AFF3: variants seen among roughly 807,000 people sequenced by gnomAD.
The protein encoded by AFF3 is ALF transcription elongation factor 3.
Under a neutral mutation model 129.7 loss-of-function variants are expected in AFF3, and 32 were observed. The observed-to-expected ratio is 0.25, with a 90% CI of 0.19 to 0.33. AFF3 has a LOEUF of 0.33. Ranked by LOEUF, AFF3 falls within the 10% of genes least tolerant of loss-of-function variation. The probability of loss-of-function intolerance (pLI) is 1.00; values close to 1 mark genes in which losing one functional copy is unlikely to be tolerated. For missense variants in AFF3, 1,373 were observed against 1,592.0 expected, an observed-to-expected ratio of 0.86 and a Z score of 2.34; for synonymous variants, 644 against 635.4, an observed-to-expected ratio of 1.01 and a Z score of -0.20.
intron 7 of AFF3, among the ~76,000 whole-genome samples, chr2:99,894,823 C>T (rs533426222): frequency 1.3e-5 from 2 of 152,270 alleles, no homozygotes; most frequent in South Asian, 4.1e-4. Context: ...TAGGTGTATG[C>T]TTTTAGAAAC....
chr2:99,721,259 G>T (rs1678862231), intron 11 of AFF3, among the ~76,000 whole-genome samples: 1 of 152,096 alleles, frequency 6.6e-6, no homozygotes, highest in Non-Finnish European at 1.5e-5. Flanking sequence ...GGTTGGGTGT[G>T]GTGGCTCATG....
At chr2:99,866,997 TAATAAAA>T (rs200992230) in intron 7 of AFF3, among the ~76,000 whole-genome samples, 2,333 of 112,178 alleles carry the variant, frequency 0.021, 162 homozygotes, top group Admixed American at 0.13. Context: ...ATAATAATAA[TAATAAAA>T]AATAAATAAA....
intron 7 of AFF3, among the ~76,000 whole-genome samples, chr2:99,844,600 A>G (rs527835847): frequency 1.0e-3 from 153 of 151,360 alleles, no homozygotes; most frequent in African/African-American, 3.6e-3. Context: ...ACCACACCCT[A>G]ATTTTTGTAT....
At chr2:100,100,969 G>A (rs1461667365) in intron 4 of AFF3, among the ~76,000 whole-genome samples, 2 of 152,154 alleles carry the variant, frequency 1.3e-5, no homozygotes, top group South Asian at 4.1e-4. Context: ...TACAGTGTTG[G>A]GTGCTGAATG....
intron 12 of AFF3, among the ~76,000 whole-genome samples, chr2:99,656,265 G>A (rs1189400728): frequency 6.6e-6 from 1 of 152,066 alleles, no homozygotes; most frequent in African/African-American, 2.4e-5. Flanking sequence ...AAAGATTTAG[G>A]TTTCAACTGG....
At chr2:99,836,682 A>G (rs1240149552) in intron 8 of AFF3, among the ~76,000 whole-genome samples, 6 of 152,182 alleles carry the variant, frequency 3.9e-5, no homozygotes, top group East Asian at 1.9e-4. Flanking sequence ...TATCCAAAAG[A>G]AAGGACCATA....
At chr2:99,678,117 G>T (rs751449437) in intron 11 of AFF3, among the ~76,000 whole-genome samples, 1 of 152,158 alleles carries the variant, frequency 6.6e-6, no homozygotes, top group Non-Finnish European at 1.5e-5. Flanking sequence ...GTCATTTTAC[G>T]TATTTTTAAA....
chr2:100,033,113 T>C (rs1220156927), intron 4 of AFF3, among the ~76,000 whole-genome samples: 2 of 152,206 alleles, frequency 1.3e-5, no homozygotes, highest in African/African-American at 4.8e-5. Flanking sequence ...CATCCTTGCA[T>C]ATGCCATACC....
In AFF3 at chr2:99,892,817, C is replaced by T. The variant is rs78421608; in HGVS notation, c.874-55293G>A. Among the ~76,000 whole-genome samples, 619 of 152,254 alleles carry T rather than the reference C, an allele frequency of 4.1e-3. 6 individuals are homozygous for T. The highest frequency in any genetic ancestry group is 0.014 in the African/African-American group (572 of 41,542). On this transcript the variant is annotated intron_variant, in intron 7 of 24. Coordinates refer to ENST00000672756, the MANE Select transcript of AFF3 (RefSeq NM_001386135.1). Reference sequence around the variant, plus strand: ...CTCCCACAGAGTGTTATGGCCTCTACGCACACCAACATCCTGAGCACCAGA... The same window carrying T: ...CTCCCACAGAGTGTTATGGCCTCTATGCACACCAACATCCTGAGCACCAGA...
chr2:99,910,213 C>G (rs1359676295), intron 7 of AFF3, among the ~76,000 whole-genome samples: 1 of 152,010 alleles, frequency 6.6e-6, no homozygotes, highest in Non-Finnish European at 1.5e-5. Flanking sequence ...CTCTTAATAC[C>G]TGATTTGAGA....
At chr2:100,140,352 C>G (rs569534213) in intron 1 of AFF3, among the ~76,000 whole-genome samples, 58 of 152,320 alleles carry the variant, frequency 3.8e-4, no homozygotes, top group African/African-American at 1.4e-3. Flanking sequence ...CCTCACCATG[C>G]CTTCAGCTTT....
intron 8 of AFF3, among the ~76,000 whole-genome samples, chr2:99,830,293 AT>A (rs1307492165): frequency 4.7e-4 from 72 of 152,294 alleles, no homozygotes; most frequent in African/African-American, 1.7e-3. Flanking sequence ...TAAAAAAAAA[AT>A]AAAAATAAAA....
rs1558615586 is a variant in AFF3 at position 99,593,243 on chromosome 2, C to T, written c.2418G>A (p.Ser806=). 2 of 1,609,288 alleles carry T rather than the reference C, an allele frequency of 1.2e-6. No homozygotes were observed. Among genetic ancestry groups the T allele is most frequent in the African/African-American group, 1.3e-5 (1 of 74,716 alleles). Residue 806 remains serine, a synonymous_variant, in exon 15 of 25, where the codon TCG becomes TCA. Coordinates refer to ENST00000672756, the MANE Select transcript of AFF3 (RefSeq NM_001386135.1). ...DSESAPPSHT[S]DTPAEKALPK... ...GCAAAGCCTTTTCTGCAGGTGTGTC[C>T]GAGGTGTGGCTGGGCGGTGCGCTCT...
intron 10 of AFF3, among the ~76,000 whole-genome samples, chr2:99,741,933 A>T (rs1418831448): frequency 6.6e-6 from 1 of 152,166 alleles, no homozygotes; most frequent in Non-Finnish European, 1.5e-5. Flanking sequence ...CAAAAACAGC[A>T]AGGGAAATGC....
chr2:100,038,560 T>G (rs1573215886), intron 4 of AFF3, among the ~76,000 whole-genome samples: 1 of 152,112 alleles, frequency 6.6e-6, no homozygotes, highest in South Asian at 2.1e-4. Flanking sequence ...TCATGTGGCT[T>G]GCAGTTGAGG....
chr2:99,623,170 T>TA (rs1682205933), intron 13 of AFF3, among the ~76,000 whole-genome samples: 1 of 148,564 alleles, frequency 6.7e-6, no homozygotes, highest in African/African-American at 2.5e-5. Flanking sequence ...TTTTTTTTTT[T>TA]AACTTATAAG....
intron 10 of AFF3, among the ~76,000 whole-genome samples, chr2:99,741,467 C>A (rs1381730587): frequency 6.6e-6 from 1 of 152,024 alleles, no homozygotes; most frequent in Non-Finnish European, 1.5e-5. Context: ...CTCCCATTCA[C>A]AATTGCTTGA....
chr2:99,570,736 T>C (rs1007054602), intron 18 of AFF3, among the ~76,000 whole-genome samples: 13 of 152,210 alleles, frequency 8.5e-5, no homozygotes, highest in Admixed American at 7.9e-4. Context: ...TATTGCTTAC[T>C]CACGAAGGCC....
chr2:99,609,266 G>C (rs1294377157), intron 13 of AFF3, among the ~76,000 whole-genome samples: 2 of 151,900 alleles, frequency 1.3e-5, no homozygotes, highest in African/African-American at 4.8e-5. Flanking sequence ...GAGGGGAATA[G>C]GTGGCATTTG....
Sources: gnomAD v4.1 joint callset for allele counts (sites outside exome capture counted in the v4.1 genomes callset) on GRCh38, gnomAD v4.1.1 for gene constraint, MANE v1.5 for transcripts, NCBI Gene and HGNC (gene_info 2026-07-23, HGNC 2026-07-21) for gene names.